Variants in NRG3 observed in about 807,000 individuals in gnomAD.
The protein encoded by NRG3 is neuregulin 3.
Under a neutral mutation model 66.9 loss-of-function variants are expected in NRG3, and 31 were observed. The ratio of observed to expected loss-of-function variants is 0.46; its 90% confidence interval spans 0.35 to 0.63. The LOEUF is 0.63. Among genes scored for constraint, NRG3 ranks in the 20% least tolerant of loss-of-function variants. NRG3 has a pLI of 0.00. For missense variants in NRG3, 910 were observed against 878.9 expected (o/e 1.04, Z -0.45); for synonymous variants, 393 against 359.4 (o/e 1.09, Z -1.06).
At position 82,009,042 on chromosome 10, in the gene NRG3, T is replaced by C. The variant is rs74635253; in HGVS notation, c.823+132879T>C. Among the ~76,000 whole-genome samples, 583 of 152,270 alleles carry C rather than the reference T, an allele frequency of 3.8e-3. 2 individuals carry two copies. Among genetic ancestry groups the C allele is most frequent in the African/African-American group, 0.013 (531 of 41,546 alleles). On this transcript the variant is annotated intron_variant, in intron 1 of 8. Coordinates refer to ENST00000372141, the MANE Select transcript of NRG3 (RefSeq NM_001010848.4). ...ACTTGATTTTAAAATTTAACTACAG[T>C]TTCGTTAAGATGTACTACAACTCCC...
chr10:82,191,134 C>T (rs572489829), intron 1 of NRG3, among the ~76,000 whole-genome samples: 2 of 152,128 alleles, frequency 1.3e-5, no homozygotes, highest in South Asian at 2.1e-4. Context: ...GATTTGTCTC[C>T]GAGGTGGAGA....
intron 2 of NRG3, among the ~76,000 whole-genome samples, chr10:82,513,664 C>T (rs1463005044): frequency 6.6e-6 from 1 of 152,124 alleles, no homozygotes; most frequent in Non-Finnish European, 1.5e-5. Context: ...CCTGTAGTCC[C>T]AGCTAATTGG....
intron 2 of NRG3, among the ~76,000 whole-genome samples, chr10:82,637,112 A>G (rs1329437361): frequency 6.6e-6 from 1 of 152,150 alleles, no homozygotes; most frequent in African/African-American, 2.4e-5. Context: ...GATTTGTTTC[A>G]TGATAGTAAC....
chr10:82,599,829 C>T (rs1051649883), intron 2 of NRG3, among the ~76,000 whole-genome samples: 2 of 151,894 alleles, frequency 1.3e-5, no homozygotes, highest in Non-Finnish European at 2.9e-5. Flanking sequence ...CAAAACAAAA[C>T]AAATCAAAAT....
rs1036685551 is a variant in NRG3 at position 82,232,727 on chromosome 10, AT to A, written c.824-126008del. On this transcript the variant is annotated intron_variant, in intron 1 of 8. Transcript: ENST00000372141. The stretch of plus-strand genomic sequence containing the variant: ...CAGGAGAGACTCGAGAAAATAAAGT[AT>A]TTTCTACTCACAGGTCCTAGAGACA... 6 of 717,008 alleles carry A rather than the reference AT, an allele frequency of 8.4e-6. No individual in the cohort carries two copies. The African/African-American group carries it at 8.7e-5, about 10-fold the overall frequency. The allele number at this position is 717,008 out of a possible 1,614,324, so 44.4% of individuals were successfully genotyped here.
intron 1 of NRG3, among the ~76,000 whole-genome samples, chr10:82,124,128 A>G (rs1221435736): frequency 2.0e-5 from 3 of 152,044 alleles, no homozygotes; most frequent in Non-Finnish European, 2.9e-5. Flanking sequence ...TTGAGATTAT[A>G]TTGGTAGCTT....
At chr10:81,989,404 A>C (rs997477311) in intron 1 of NRG3, among the ~76,000 whole-genome samples, 1 of 152,138 alleles carries the variant, frequency 6.6e-6, no homozygotes, top group African/African-American at 2.4e-5. Flanking sequence ...GCATACCTTA[A>C]AGTACATTGA....
At chr10:81,947,872 T>A (rs1161663678) in intron 1 of NRG3, among the ~76,000 whole-genome samples, 1 of 152,084 alleles carries the variant, frequency 6.6e-6, no homozygotes, top group Non-Finnish European at 1.5e-5. Context: ...TCCAGGAGTT[T>A]TGGAATAGAA....
chr10:82,864,380 C>T (rs867023416), intron 3 of NRG3, among the ~76,000 whole-genome samples: 30 of 151,940 alleles, frequency 2.0e-4, no homozygotes, highest in African/African-American at 5.8e-4. Context: ...GCATTGAAAT[C>T]TGGGTAACTA....
chr10:82,329,342 GT>G (rs959901730), intron 1 of NRG3, among the ~76,000 whole-genome samples: 11 of 148,788 alleles, frequency 7.4e-5, no homozygotes, highest in African/African-American at 9.9e-5. Flanking sequence ...TACATTGCAA[GT>G]TTTTTTTTCT....
intron 1 of NRG3, among the ~76,000 whole-genome samples, chr10:82,195,709 A>C (rs952452507): frequency 4.6e-5 from 7 of 152,208 alleles, no homozygotes; most frequent in African/African-American, 1.7e-4. Context: ...GTTGCTAATC[A>C]GTTGACATTG....
At chr10:82,517,092 G>C (rs1413958810) in intron 2 of NRG3, among the ~76,000 whole-genome samples, 2 of 151,692 alleles carry the variant, frequency 1.3e-5, no homozygotes, top group Non-Finnish European at 1.5e-5. Context: ...AAAATACTTT[G>C]TTTTCATCCC....
At chr10:82,811,205 C>A (rs1473588537) in intron 3 of NRG3, among the ~76,000 whole-genome samples, 1 of 152,180 alleles carries the variant, frequency 6.6e-6, no homozygotes, top group African/African-American at 2.4e-5. Flanking sequence ...TGACTTATAA[C>A]CATCTTCACA....
chr10:82,963,042 G>A (rs1850822948), intron 6 of NRG3, among the ~76,000 whole-genome samples: 2 of 152,092 alleles, frequency 1.3e-5, no homozygotes, highest in Admixed American at 1.3e-4. Flanking sequence ...TCAAAGGTTA[G>A]TGGAGAGAAA....
intron 1 of NRG3, among the ~76,000 whole-genome samples, chr10:82,114,031 G>A (rs1370722268): frequency 6.6e-6 from 1 of 152,098 alleles, no homozygotes; most frequent in Non-Finnish European, 1.5e-5. Context: ...TACTTTGTCT[G>A]TCTATCAGTC....
chr10:82,710,545 G>A (rs199745723), intron 2 of NRG3, among the ~76,000 whole-genome samples: 43 of 117,160 alleles, frequency 3.7e-4, no homozygotes, highest in Middle Eastern at 8.9e-3. Context: ...GAGATCGCAC[G>A]ACTGCACTCC....
chr10:82,722,179 G>A (rs1035279521), intron 2 of NRG3, among the ~76,000 whole-genome samples: 2 of 152,084 alleles, frequency 1.3e-5, no homozygotes, highest in Admixed American at 6.6e-5. Context: ...GTTGTTGTTC[G>A]ACCCCTTATG....
At chr10:82,647,431 T>C (rs1422403712) in intron 2 of NRG3, among the ~76,000 whole-genome samples, 1 of 152,208 alleles carries the variant, frequency 6.6e-6, no homozygotes, top group Non-Finnish European at 1.5e-5. Flanking sequence ...TGGTTCCAAG[T>C]CTTTGCTATT....
intron 1 of NRG3, among the ~76,000 whole-genome samples, chr10:81,993,935 C>G (rs1039353229): frequency 2.6e-5 from 4 of 152,082 alleles, no homozygotes; most frequent in African/African-American, 9.7e-5. Context: ...TGAAGATTTC[C>G]CCAGTGCTGT....
Sources: gnomAD v4.1 joint callset for allele counts (sites outside exome capture counted in the v4.1 genomes callset) on GRCh38, gnomAD v4.1.1 for gene constraint, MANE v1.5 for transcripts, NCBI Gene and HGNC (gene_info 2026-07-23, HGNC 2026-07-21) for gene names.